TSEN54: variants seen among roughly 807,000 people sequenced by gnomAD.
TSEN54 encodes the protein tRNA-splicing endonuclease subunit Sen54.
TSEN54 carries 55 observed loss-of-function variants against 61.9 expected under a neutral mutation model. The observed-to-expected ratio is 0.89, with a 90% CI of 0.72 to 1.11. TSEN54 has a LOEUF of 1.11. TSEN54 is among the 50% of genes most tolerant of loss of function. The probability of loss-of-function intolerance (pLI) is 0.00; values close to 1 mark genes in which losing one functional copy is unlikely to be tolerated. For missense variants in TSEN54, 760 were observed against 687.7 expected, an observed-to-expected ratio of 1.11 and a Z score of -1.18; for synonymous variants, 304 against 288.7, an observed-to-expected ratio of 1.05 and a Z score of -0.54.
rs11559206 is a variant in TSEN54, at chr17:75,516,792, C to T, written c.103C>T (p.Gln35Ter). The T allele has an allele frequency of 1.3e-6, 2 of 1,586,832 alleles. No individual in the cohort carries two copies. Among genetic ancestry groups the T allele is most frequent in the Admixed American group, 1.7e-5 (1 of 59,528 alleles). ...AARSRSQKLP[Q>*]RSHGPKDFLP... ...CCGCTCGCGGTCGCAGAAGCTGCCC[C>T]AGCGCTCGCATGGCCCCAAGGACTT... is the stretch of plus-strand genomic sequence containing the variant. The change falls in exon 2 of 11, where the codon CAG becomes TAG. Residue 35 changes from glutamine to a stop codon, truncating the protein, a stop_gained. Transcript: ENST00000333213. LOFTEE classifies it high-confidence loss of function.
chr17:75,523,880 T>G, intron 10 of TSEN54, 101 bp downstream of exon 10: 5 of 1,334,252 alleles, frequency 3.7e-6, no homozygotes, highest in South Asian at 1.2e-5. Context: ...TGCCAATCTC[T>G]GAGAGGAACA....
intron 9 of TSEN54, 119 bp from the exon 10 acceptor site, chr17:75,523,544 A>G (rs774998034): frequency 2.9e-5 from 47 of 1,610,724 alleles, no homozygotes; most frequent in Middle Eastern, 1.7e-4. Context: ...AGAGCCCCCA[A>G]CCCTCAAGTG....
At chr17:75,517,853 G>A (rs2053390465) in intron 5 of TSEN54, among the ~76,000 whole-genome samples, 198 bp downstream of exon 5, 1 of 152,208 alleles carries the variant, frequency 6.6e-6, no homozygotes, top group African/African-American at 2.4e-5. Flanking sequence ...AGATAAGGTG[G>A]GGGAAGAGAA....
Position 75,524,199 on chromosome 17 carries a change from G to T in TSEN54, c.1431-63G>T, listed in dbSNP as rs1276964648. ...ACTCCTTCCGTAGAATCTCTTCTCT[G>T]GGAGCCCTAGAGCTTAGGAGTGGGC... On this transcript the variant is annotated intron_variant, in intron 10 of 10. Coordinates refer to ENST00000333213, the MANE Select transcript of TSEN54 (RefSeq NM_207346.3). The T allele has an allele frequency of 3.1e-6, 5 of 1,605,964 alleles. No homozygotes were observed. In the Admixed American group the frequency reaches 8.3e-5, roughly 27 times the overall value.
At chr17:75,518,173 G>A (rs2147008644) in intron 5 of TSEN54, among the ~76,000 whole-genome samples, 1 of 152,294 alleles carries the variant, frequency 6.6e-6, no homozygotes, top group Admixed American at 6.5e-5. Context: ...TTAATTTTGA[G>A]GAGCTTCTTG....
intron 4 of TSEN54, 102 bp from the exon 5 acceptor site, chr17:75,517,455 G>A (rs373822171): frequency 2.4e-6 from 3 of 1,232,028 alleles, no homozygotes; most frequent in East Asian, 2.3e-5. Context: ...TTGATGCGCT[G>A]CTGAGAGGGG....
At position 75,517,038 on chromosome 17, in the gene TSEN54, C is replaced by T; in HGVS notation, c.251C>T (p.Pro84Leu). The T allele has an allele frequency of 1.3e-6, 2 of 1,595,636 alleles. No homozygotes were observed. Among genetic ancestry groups the T allele is most frequent in the Middle Eastern group, 1.7e-4 (1 of 6,030 alleles). Residue 84 changes from proline (P) to leucine (L), a missense_variant, in exon 3 of 11, where the codon CCA (proline) becomes CTA (leucine). Physicochemically the swap from Pro to Leu is moderately conservative, Grantham distance 98. This residue lies in a region of TSEN54 where 667 missense variants were observed against 577.8 expected (regional missense o/e 1.15). Transcript: ENST00000333213. The stretch of plus-strand genomic sequence containing the variant: ...AGCTTGGTGGCTGCCGAGTGGAGGC[C>T]AGAAGAGGGCTTCGTGGAGTTGAAG... ...LGSLVAAEWR[P>L]EEGFVELKSP...
At chr17:75,523,358 C>T (rs1568004467) in intron 9 of TSEN54, 23 bp downstream of exon 9, 11 of 1,613,934 alleles carry the variant, frequency 6.8e-6, no homozygotes, top group Non-Finnish European at 9.3e-6. Context: ...GCAGTGCCGT[C>T]TCTGCAGTAC....
chr17:75,517,200 C>A lies in TSEN54; in HGVS notation c.325C>A (p.Arg109=). ...WQTMGFSEQG[R]QRLHPEEALY... The stretch of plus-strand genomic sequence containing the variant: ...GACCATGGGCTTCTCAGAGCAGGGC[C>A]GGCAGCGCCTTCACCCGGAAGAGGC... Residue 109 remains arginine (R), a synonymous_variant, in exon 4 of 11, where the codon CGG becomes AGG. Transcript: ENST00000333213. 6.2e-7 allele frequency: 1 copy of A among 1,607,742 alleles called. No homozygotes were observed. Among genetic ancestry groups the A allele is most frequent in the Non-Finnish European group, 8.5e-7 (1 of 1,177,316 alleles).
chr17:75,522,541 GA>G (rs1230303858), intron 8 of TSEN54: 3 of 1,443,656 alleles, frequency 2.1e-6, no homozygotes, highest in East Asian at 5.0e-5. Context: ...GAGAGGTAAG[GA>G]GGGGTGGAAA....
Position 75,521,406 on chromosome 17 carries a change from C to T in TSEN54, c.522-3C>T, listed in dbSNP as rs372681858. 4.3e-6 allele frequency: 7 copies of T among 1,613,730 alleles called. No homozygotes were observed. Among genetic ancestry groups the T allele is most frequent in the Non-Finnish European group, 5.1e-6 (6 of 1,179,856 alleles). ...TGGCCCACCCGCTGTTCTCACCCCA[C>T]AGCTCTGTCCTGTCCCCGTATGAGA... On this transcript the variant is annotated splice_polypyrimidine_tract_variant and splice_region_variant and intron_variant, in intron 6 of 10. Coordinates refer to ENST00000333213, the MANE Select transcript of TSEN54 (RefSeq NM_207346.3).
Position 75,523,310 on chromosome 17 carries a change from A to G in TSEN54, c.1288A>G (p.Thr430Ala). 6.2e-7 allele frequency: 1 copy of G among 1,614,148 alleles called. No individual in the cohort carries two copies. The highest frequency in any genetic ancestry group is 8.5e-7 in the Non-Finnish European group (1 of 1,180,034). Residue 430 changes from threonine to alanine, a missense_variant, in exon 9 of 11, where the codon ACA (threonine) becomes GCA (alanine). By Grantham distance (58) the Thr-to-Ala change is moderately conservative. This residue lies in a region of TSEN54 where 667 missense variants were observed against 577.8 expected (regional missense o/e 1.15). Coordinates refer to ENST00000333213, the MANE Select transcript of TSEN54 (RefSeq NM_207346.3). Reference protein sequence around the residue: ...VLQHISVLQTTHLPDGGARLL... With the variant: ...VLQHISVLQTAHLPDGGARLL... ...TCAGCATATCTCTGTGCTGCAGACA[A>G]CACACCTTCCTGATGGAGGTGCCCG...
rs150805182 is a variant in TSEN54, at chr17:75,521,962, G to A, written c.881G>A (p.Arg294Gln). The A allele has an allele frequency of 6.3e-5, 101 of 1,609,756 alleles. No individual in the cohort carries two copies. The East Asian group carries it at 1.2e-3, about 19-fold the overall frequency. The change falls in exon 8 of 11, where the codon CGG (arginine) becomes CAG (glutamine). Residue 294 changes from arginine (R) to glutamine (Q), a missense_variant. By Grantham distance (43) the Arg-to-Gln change is conservative. Coordinates refer to ENST00000333213, the MANE Select transcript of TSEN54 (RefSeq NM_207346.3). ...AACGGAGTCACGGGAGCCGGTAAGC[G>A]GCGCTGGAACTTCGAGCAGATCTCC... ...AENGVTGAGK[R>Q]RWNFEQISFP...
chr17:75,522,146 C>G lies in TSEN54; in HGVS notation c.1065C>G (p.His355Gln). 6.4e-7 allele frequency: 1 copy of G among 1,561,162 alleles called. No individual in the cohort carries two copies. The highest frequency in any genetic ancestry group is 8.7e-7 in the Non-Finnish European group (1 of 1,151,440). The change falls in exon 8 of 11, where the codon CAC becomes CAG. Residue 355 changes from histidine to glutamine, a missense_variant. By Grantham distance (24) the His-to-Gln change is conservative. Coordinates refer to ENST00000333213, the MANE Select transcript of TSEN54 (RefSeq NM_207346.3). ...KEKLSRRERE[H>Q]HAEAAQFQED... ...AGCTCTCCAGGCGGGAACGGGAGCA[C>G]CACGCGGAGGCCGCGCAGTTCCAGG...
chr17:75,523,607 AAAAG>A, intron 9 of TSEN54, 52 bp from the exon 10 acceptor site: 5 of 1,613,970 alleles, frequency 3.1e-6, no homozygotes, highest in Non-Finnish European at 4.2e-6. Context: ...GGTGGGATGG[AAAAG>A]AAAGGTTGGG....
intron 1 of TSEN54, 33 bp from the exon 2 acceptor site, chr17:75,516,713 G>A (rs1399136001): frequency 4.2e-6 from 6 of 1,426,206 alleles, no homozygotes; most frequent in Non-Finnish European, 5.5e-6. Context: ...CCCCCGATGC[G>A]CGGCGCTGAC....
chr17:75,522,174 G>A lies in TSEN54; in HGVS notation c.1093G>A (p.Asp365Asn), dbSNP rs1255219721. 18 of 1,551,938 alleles carry A rather than the reference G, an allele frequency of 1.2e-5. No homozygotes were observed. The highest frequency in any genetic ancestry group is 1.5e-5 in the Non-Finnish European group (17 of 1,145,962). The change falls in exon 8 of 11, where the codon GAT becomes AAT. Residue 365 changes from aspartate (D) to asparagine (N), a missense_variant. This residue lies in a region of TSEN54 where 667 missense variants were observed against 577.8 expected (regional missense o/e 1.15). Coordinates refer to ENST00000333213, the MANE Select transcript of TSEN54 (RefSeq NM_207346.3). ...CGCGGAGGCCGCGCAGTTCCAGGAA[G>A]ATGTCAACGCCGATCCCGAGGTGCA... ...HHAEAAQFQE[D>N]VNADPEVQRC...
chr17:75,520,285 A>C (rs2053413470), intron 6 of TSEN54, among the ~76,000 whole-genome samples: 1 of 152,134 alleles, frequency 6.6e-6, no homozygotes, highest in African/African-American at 2.4e-5. Flanking sequence ...ATCTAACTTA[A>C]ATAGGCTGGT....
rs2053426096 is a variant in TSEN54, at chr17:75,521,437, C to T, written c.550C>T (p.Leu184Phe). The change falls in exon 7 of 11, where the codon CTT becomes TTT. Residue 184 changes from leucine to phenylalanine, a missense_variant. Transcript: ENST00000333213. The stretch of plus-strand genomic sequence containing the variant: ...TGTCCTGTCCCCGTATGAGAGGCAG[C>T]TTAACCTGGATGCCAGCGTGCAGCA... ...SSVLSPYERQ[L>F]NLDASVQHLE... is the part of the protein sequence containing the mutation. 6.2e-7 allele frequency: 1 copy of T among 1,614,114 alleles called. No individual in the cohort carries two copies.
Sources: allele counts gnomAD v4.1 joint callset (sites outside exome capture counted in the v4.1 genomes callset), GRCh38; gene constraint gnomAD v4.1.1; regional missense constraint gnomAD v4.1.1; transcripts MANE v1.5; gene names NCBI Gene and HGNC (gene_info 2026-07-23, HGNC 2026-07-21).